Variants in KLHL29 observed in about 807,000 individuals in gnomAD.
KLHL29 encodes kelch-like protein 29.
A neutral mutation model predicts 80.4 loss-of-function variants in KLHL29; 21 were observed. The ratio of observed to expected loss-of-function variants is 0.26; its 90% confidence interval spans 0.19 to 0.38. KLHL29 has a LOEUF of 0.38. Among genes scored for constraint, KLHL29 ranks in the 10% least tolerant of loss-of-function variants. The pLI, the probability that KLHL29 is intolerant of heterozygous loss-of-function variation, is 1.00. For synonymous variants in KLHL29, 511 were observed against 526.8 expected, an observed-to-expected ratio of 0.97 and a Z score of 0.41; for missense variants, 867 against 1,223.9, an observed-to-expected ratio of 0.71 and a Z score of 4.35.
rs1022711638 is a variant in KLHL29, at chr2:23,500,703, C to T, written c.-46+25036C>T. Among the ~76,000 whole-genome samples, 4 of 152,168 alleles carry T rather than the reference C, an allele frequency of 2.6e-5. No homozygotes were observed. The South Asian group carries it at 8.3e-4, about 32-fold the overall frequency. On this transcript the variant is annotated intron_variant, in intron 2 of 13. Coordinates refer to ENST00000486442, the MANE Select transcript of KLHL29 (RefSeq NM_052920.2). The stretch of plus-strand genomic sequence containing the variant: ...TTTTTAGGTTTATAAAAAAACTGGA[C>T]TATTTTGAGTTTGGAAACATAATTT...
At chr2:23,456,947 T>C (rs1664071790) in intron 1 of KLHL29, among the ~76,000 whole-genome samples, 1 of 152,114 alleles carries the variant, frequency 6.6e-6, no homozygotes, top group African/African-American at 2.4e-5. Flanking sequence ...GTAGGGTTGC[T>C]CCAGGTCACA....
chr2:23,454,891 G>T (rs1259843226), intron 1 of KLHL29, among the ~76,000 whole-genome samples: 1 of 151,706 alleles, frequency 6.6e-6, no homozygotes, highest in Non-Finnish European at 1.5e-5. Flanking sequence ...TAAACAGCCA[G>T]GTTGTCTACC....
chr2:23,618,311 C>G (rs1399553475), intron 3 of KLHL29, among the ~76,000 whole-genome samples: 1 of 152,116 alleles, frequency 6.6e-6, no homozygotes, highest in Non-Finnish European at 1.5e-5. Flanking sequence ...CCACAAGGTG[C>G]CCAGGTATTT....
chr2:23,443,018 C>G (rs533016943), intron 1 of KLHL29, among the ~76,000 whole-genome samples: 1 of 152,282 alleles, frequency 6.6e-6, no homozygotes, highest in South Asian at 2.1e-4. Context: ...TGTGATACCA[C>G]TTCAGGCCCT....
At position 23,658,281 on chromosome 2, in the gene KLHL29, G is replaced by A. The variant is rs185598706; in HGVS notation, c.940+15431G>A. Reference sequence around the variant, plus strand: ...AGCCGAAGCCCTGCCTGAGCGTCATGGGCTTGTGAGGAAAACCCCCTGAGC... The same window carrying A: ...AGCCGAAGCCCTGCCTGAGCGTCATAGGCTTGTGAGGAAAACCCCCTGAGC... On this transcript the variant is annotated intron_variant, in intron 5 of 13. Coordinates refer to ENST00000486442, the MANE Select transcript of KLHL29 (RefSeq NM_052920.2). Among the ~76,000 whole-genome samples the A allele has an allele frequency of 8.2e-4, 125 of 152,262 alleles. No individual in the cohort carries two copies. The East Asian group carries it at 0.021, about 26-fold the overall frequency.
intron 5 of KLHL29, among the ~76,000 whole-genome samples, chr2:23,670,913 ACGCG>A (rs796301580): frequency 6.5e-5 from 1 of 15,412 alleles, no homozygotes; most frequent in Non-Finnish European, 2.0e-4. Flanking sequence ...ACACACATGC[ACGCG>A]CTCTCTCTCT....
At chr2:23,634,349 G>C (rs984953057) in intron 3 of KLHL29, among the ~76,000 whole-genome samples, 1 of 151,114 alleles carries the variant, frequency 6.6e-6, no homozygotes, top group Non-Finnish European at 1.5e-5. Context: ...GCCTGTCTCT[G>C]TCAGATGTAT....
rs1172578992 is a variant in KLHL29, at chr2:23,695,842, A to G, written c.1741+21A>G. On this transcript the variant is annotated intron_variant, in intron 9 of 13. Transcript: ENST00000486442. This position sits in a 1 kb window ranked among gnomAD's most constrained non-coding sequence, Gnocchi z 7.6. The stretch of plus-strand genomic sequence containing the variant: ...TGCAGGTATGAAGGGGCACGCCCCG[A>G]ACCTCCCAAGAAGCAGTGTCTTGGG... 4 of 1,542,448 alleles carry G rather than the reference A, an allele frequency of 2.6e-6. No individual in the cohort carries two copies. Among genetic ancestry groups the G allele is most frequent in the Non-Finnish European group, 3.5e-6 (4 of 1,143,406 alleles).
intron 5 of KLHL29, 143 bp downstream of exon 5, chr2:23,642,993 A>C (rs1572460701): frequency 3.1e-6 from 3 of 971,028 alleles, no homozygotes; most frequent in Non-Finnish European, 3.2e-6. Flanking sequence ...TGGAGCCTCC[A>C]CCTGCCCAAG....
At chr2:23,585,267 A>G (rs115916942) in intron 3 of KLHL29, among the ~76,000 whole-genome samples, 1 of 152,334 alleles carries the variant, frequency 6.6e-6, no homozygotes, top group African/African-American at 2.4e-5. Context: ...AAGAAAGGAG[A>G]TGGATTACAG....
chr2:23,399,451 C>T (rs1400779865), intron 1 of KLHL29, among the ~76,000 whole-genome samples: 1 of 152,222 alleles, frequency 6.6e-6, no homozygotes, highest in Non-Finnish European at 1.5e-5. Flanking sequence ...AAGTGATTCT[C>T]CTAGTAAATT....
In KLHL29 at chr2:23,596,356, G is replaced by T. The variant is rs552756898; in HGVS notation, c.285+33875G>T. Among the ~76,000 whole-genome samples the T allele has an allele frequency of 3.3e-5, 5 of 152,106 alleles. No individual in the cohort carries two copies. Among genetic ancestry groups the T allele is most frequent in the African/African-American group, 1.2e-4 (5 of 41,424 alleles). On this transcript the variant is annotated intron_variant, in intron 3 of 13. Coordinates refer to ENST00000486442, the MANE Select transcript of KLHL29 (RefSeq NM_052920.2). The surrounding 1 kb of genome is among the most constrained non-coding windows in gnomAD (Gnocchi z 4.4). ...TCCTCCAGGCTTCAGCTACCAACAC[G>T]CCCCTATGAGTCTCTGTCTCCGAGC...
chr2:23,458,232 C>T (rs940441492), intron 1 of KLHL29, among the ~76,000 whole-genome samples: 2 of 152,200 alleles, frequency 1.3e-5, no homozygotes, highest in African/African-American at 4.8e-5. Flanking sequence ...ATTAATTTAA[C>T]ACATTTGTAT....
chr2:23,461,379 A>G (rs1033415125), intron 1 of KLHL29, among the ~76,000 whole-genome samples: 11 of 152,208 alleles, frequency 7.2e-5, no homozygotes, highest in Non-Finnish European at 8.8e-5. Flanking sequence ...GAGCAGCCAC[A>G]GGATCTCAAT....
intron 1 of KLHL29, among the ~76,000 whole-genome samples, chr2:23,462,718 A>G (rs1464087622): frequency 6.6e-6 from 1 of 152,250 alleles, no homozygotes; most frequent in East Asian, 1.9e-4. Context: ...TTCCCAAAGA[A>G]AAGCTTTCCA....
chr2:23,597,297 A>C (rs1435027974), intron 3 of KLHL29, among the ~76,000 whole-genome samples: 3 of 47,610 alleles, frequency 6.3e-5, no homozygotes, highest in African/African-American at 2.2e-4. Flanking sequence ...TCTCTCTCTC[A>C]TATATATATA....
intron 5 of KLHL29, among the ~76,000 whole-genome samples, chr2:23,662,498 T>A (rs1318717836): frequency 6.6e-6 from 1 of 152,200 alleles, no homozygotes; most frequent in Non-Finnish European, 1.5e-5. Flanking sequence ...TTTCTAGGAC[T>A]GCAGCTTCTG....
intron 13 of KLHL29, 78 bp downstream of exon 13, chr2:23,703,941 G>A (rs1290638763): frequency 1.4e-6 from 2 of 1,423,730 alleles, no homozygotes; most frequent in African/African-American, 1.4e-5. Context: ...ATGATTTCCT[G>A]CCATCAGTGA....
rs770082632 is a variant in KLHL29 at position 23,642,628 on chromosome 2, G to A, written c.718G>A (p.Gly240Ser). ...GCCCCTGGCCGTGTCCACACTGCCC[G>A]GTGTGGGGCAGGTGGCCCGCCCAGG... ...PQPLAVSTLP[G>S]VGQVARPGPT... The change falls in exon 5 of 14, where the codon GGT becomes AGT. Residue 240 changes from glycine (G) to serine (S), a missense_variant. Gly to Ser is a moderately conservative substitution (Grantham distance 56). Coordinates refer to ENST00000486442, the MANE Select transcript of KLHL29 (RefSeq NM_052920.2). 4.4e-4 allele frequency: 685 copies of A among 1,549,478 alleles called. No individual in the cohort carries two copies. Among genetic ancestry groups the A allele is most frequent in the East Asian group, 1.7e-4 (7 of 40,896 alleles).
Sources: gnomAD v4.1 joint callset for allele counts (sites outside exome capture counted in the v4.1 genomes callset) on GRCh38, gnomAD v4.1.1 for gene constraint, Gnocchi (gnomAD v3.1) non-coding constraint, MANE v1.5 for transcripts, NCBI Gene and HGNC (gene_info 2026-07-23, HGNC 2026-07-21) for gene names.